The following MEIKIN variants were observed in gnomAD, a reference collection of about 807,000 sequenced individuals.
MEIKIN encodes the protein meiotic kinetochore factor, also known as meiosis-specific kinetochore protein.
chr5:131,890,508 G>C (rs1007379310), intron 8 of MEIKIN, among the ~76,000 whole-genome samples: 2 of 152,194 alleles, frequency 1.3e-5, no homozygotes, highest in African/African-American at 2.4e-5. Flanking sequence ...TTGCATAGAG[G>C]TGTTTACAGT....
intron 9 of MEIKIN, among the ~76,000 whole-genome samples, chr5:131,875,565 C>T (rs1219697461): frequency 1.3e-5 from 2 of 152,096 alleles, no homozygotes; most frequent in Non-Finnish European, 2.9e-5. Context: ...AATGGCCATA[C>T]TGCCCCAGGT....
intron 9 of MEIKIN, among the ~76,000 whole-genome samples, chr5:131,864,241 C>A (rs1290944604): frequency 6.6e-6 from 1 of 152,066 alleles, no homozygotes. Flanking sequence ...TTGTTCCTTT[C>A]TTTTTCTCTT....
intron 9 of MEIKIN, among the ~76,000 whole-genome samples, chr5:131,873,658 A>G (rs980425125): frequency 4.6e-5 from 7 of 152,212 alleles, no homozygotes; most frequent in Non-Finnish European, 1.0e-4. Context: ...CCTAATAGAC[A>G]TCTACAGAAA....
chr5:131,914,060 T>C (rs1269936082), intron 7 of MEIKIN, among the ~76,000 whole-genome samples: 1 of 152,080 alleles, frequency 6.6e-6, no homozygotes, highest in Non-Finnish European at 1.5e-5. Flanking sequence ...AATGGTACGA[T>C]TGGCTTTACA....
At chr5:131,871,839 C>T (rs1309890000) in intron 9 of MEIKIN, among the ~76,000 whole-genome samples, 1 of 152,126 alleles carries the variant, frequency 6.6e-6, no homozygotes, top group Non-Finnish European at 1.5e-5. Context: ...TTGCGGTTCA[C>T]CAATATCCGA....
At chr5:131,935,604 G>A (rs749864529) in intron 4 of MEIKIN, among the ~76,000 whole-genome samples, 1 of 152,146 alleles carries the variant, frequency 6.6e-6, no homozygotes, top group Non-Finnish European at 1.5e-5. Context: ...AACTGGTTGC[G>A]GGGGTCGGGG....
chr5:131,893,931 T>C (rs920245845), intron 8 of MEIKIN, among the ~76,000 whole-genome samples: 1 of 152,232 alleles, frequency 6.6e-6, no homozygotes, highest in African/African-American at 2.4e-5. Context: ...TTTTTGTTTT[T>C]GTTGCCATTG....
chr5:131,874,222 A>C (rs541844870), intron 9 of MEIKIN, among the ~76,000 whole-genome samples: 11 of 152,336 alleles, frequency 7.2e-5, no homozygotes, highest in African/African-American at 2.6e-4. Flanking sequence ...TTTTTTGAAA[A>C]GATCAACAAA....
At chr5:131,856,553 TTC>T (rs1413816191) in intron 9 of MEIKIN, among the ~76,000 whole-genome samples, 1 of 152,192 alleles carries the variant, frequency 6.6e-6, no homozygotes, top group African/African-American at 2.4e-5. Context: ...TGTTGAGAGC[TTC>T]TGTCAGATCT....
intron 11 of MEIKIN, 96 bp downstream of exon 11, chr5:131,851,168 G>T (rs893871793): frequency 2.2e-4 from 87 of 391,152 alleles, no homozygotes; most frequent in Non-Finnish European, 3.0e-4. Flanking sequence ...TGTTTCTCAT[G>T]AGTTAAGAGA....
At chr5:131,870,368 C>G (rs1561738731) in intron 9 of MEIKIN, among the ~76,000 whole-genome samples, 1 of 152,058 alleles carries the variant, frequency 6.6e-6, no homozygotes, top group Non-Finnish European at 1.5e-5. Context: ...ATACTATGTT[C>G]TGTTTATTTT....
chr5:131,865,380 C>T (rs955972494), intron 9 of MEIKIN, among the ~76,000 whole-genome samples: 22 of 150,250 alleles, frequency 1.5e-4, no homozygotes, highest in South Asian at 4.3e-4. Flanking sequence ...CCACCATGCC[C>T]GGCTAATTTT....
intron 11 of MEIKIN, among the ~76,000 whole-genome samples, chr5:131,837,282 G>A (rs1336971968): frequency 1.3e-5 from 2 of 152,154 alleles, no homozygotes; most frequent in Non-Finnish European, 2.9e-5. Flanking sequence ...ATAGTTTGAA[G>A]TAAGGTAGTG....
At chr5:131,899,351 A>T (rs1338862811) in intron 8 of MEIKIN, among the ~76,000 whole-genome samples, 1 of 152,154 alleles carries the variant, frequency 6.6e-6, no homozygotes, top group African/African-American at 2.4e-5. Context: ...CACAAAAAAT[A>T]ATAAGAAATT....
intron 5 of MEIKIN, among the ~76,000 whole-genome samples, chr5:131,924,163 T>C (rs987040430): frequency 2.6e-5 from 4 of 152,184 alleles, no homozygotes; most frequent in African/African-American, 9.6e-5. Context: ...GCAGGATTTC[T>C]TTCTTAAGAC....
chr5:131,882,008 A>G (rs1750709043), intron 8 of MEIKIN, among the ~76,000 whole-genome samples: 1 of 152,172 alleles, frequency 6.6e-6, no homozygotes, highest in South Asian at 2.1e-4. Context: ...TAGTGCTCCC[A>G]TCTCAATAAA....
intron 8 of MEIKIN, among the ~76,000 whole-genome samples, chr5:131,906,713 C>G (rs1423852464): frequency 1.3e-5 from 2 of 152,140 alleles, no homozygotes; most frequent in African/African-American, 4.8e-5. Flanking sequence ...ATGTCCTCAG[C>G]AGTAACGCAG....
At chr5:131,905,142 G>GA (rs1417787486) in intron 8 of MEIKIN, among the ~76,000 whole-genome samples, 10 of 151,832 alleles carry the variant, frequency 6.6e-5, no homozygotes, top group Admixed American at 1.3e-4. Flanking sequence ...TTAAAGAAGT[G>GA]AAAAAAACCC....
At chr5:131,849,477 TTATA>T (rs1308950977) in intron 11 of MEIKIN, among the ~76,000 whole-genome samples, 3 of 170 alleles carry the variant, frequency 0.018, 1 homozygote, top group African/African-American at 0.06. Context: ...CCTCTTTTCT[TTATA>T]TATATAAAGA....
Sources: gnomAD v4.1 joint callset for allele counts (sites outside exome capture counted in the v4.1 genomes callset) on GRCh38, gnomAD v4.1.1 for gene constraint, MANE v1.5 for transcripts, NCBI Gene and HGNC (gene_info 2026-07-23, HGNC 2026-07-21) for gene names.